Variants in ADAM32 observed in about 807,000 individuals in gnomAD.
ADAM32 encodes ADAM metallopeptidase domain 32, also known as disintegrin and metalloproteinase domain-containing protein 32.
ADAM32 carries 89 observed loss-of-function variants against 114.9 expected under a neutral mutation model. The observed-to-expected ratio is 0.77, with a 90% confidence interval of 0.65 to 0.92. ADAM32 has a LOEUF of 0.92. ADAM32 is among the 40% of genes least tolerant of loss of function. The pLI is 0.00. For synonymous variants in ADAM32, 285 were observed against 307.5 expected (o/e 0.93, Z 0.77); for missense variants, 870 against 932.8 (o/e 0.93, Z 0.88).
intron 17 of ADAM32, among the ~76,000 whole-genome samples, chr8:39,252,288 T>C (rs1811356506): frequency 6.6e-6 from 1 of 151,236 alleles, no homozygotes; most frequent in East Asian, 1.9e-4. Context: ...TAGAAGTTAA[T>C]ATTAAAAGAA....
intron 2 of ADAM32, among the ~76,000 whole-genome samples, chr8:39,124,511 G>A (rs781457230): frequency 1.0e-3 from 157 of 151,508 alleles, no homozygotes; most frequent in African/African-American, 3.6e-3. Flanking sequence ...TCCACCTCCC[G>A]GGTTCATGCC....
intron 17 of ADAM32, among the ~76,000 whole-genome samples, chr8:39,252,478 TA>T (rs1014937865): frequency 1.3e-5 from 2 of 150,974 alleles, no homozygotes; most frequent in African/African-American, 4.9e-5. Context: ...ATTCTTACAT[TA>T]AAAAGAATAA....
At chr8:39,159,614 T>G (rs150686903) in intron 6 of ADAM32, among the ~76,000 whole-genome samples, 1 of 152,352 alleles carries the variant, frequency 6.6e-6, no homozygotes, top group Non-Finnish European at 1.5e-5. Flanking sequence ...GCTTTTCTTG[T>G]CCGTTTTTCC....
chr8:39,124,574 T>C (rs1010579269), intron 2 of ADAM32, among the ~76,000 whole-genome samples: 2 of 151,986 alleles, frequency 1.3e-5, no homozygotes, highest in African/African-American at 2.4e-5. Context: ...CCTGCCATCA[T>C]GCCCAGCTAA....
chr8:39,146,660 C>T (rs1803524438), intron 3 of ADAM32, among the ~76,000 whole-genome samples: 1 of 152,210 alleles, frequency 6.6e-6, no homozygotes, highest in African/African-American at 2.4e-5. Flanking sequence ...ATCTGCCCAC[C>T]TTGGCCTCCC....
chr8:39,110,711 A>G (rs1036065093), intron 1 of ADAM32, among the ~76,000 whole-genome samples: 4 of 152,264 alleles, frequency 2.6e-5, no homozygotes, highest in Non-Finnish European at 4.4e-5. Flanking sequence ...AATTATATGC[A>G]TAACTACAAG....
intron 19 of ADAM32, among the ~76,000 whole-genome samples, chr8:39,258,041 C>T (rs1188276778): frequency 6.6e-6 from 1 of 152,018 alleles, no homozygotes; most frequent in Non-Finnish European, 1.5e-5. Flanking sequence ...TATCCCATAA[C>T]CTACCTAGTA....
At chr8:39,206,568 G>T (rs1161802692) in intron 11 of ADAM32, among the ~76,000 whole-genome samples, 1 of 152,210 alleles carries the variant, frequency 6.6e-6, no homozygotes, top group African/African-American at 2.4e-5. Context: ...GTTCTGGGTT[G>T]CTGTCAGTTG....
At chr8:39,263,325 A>AT (rs1383409280) in intron 19 of ADAM32, among the ~76,000 whole-genome samples, 2 of 152,082 alleles carry the variant, frequency 1.3e-5, no homozygotes, top group Non-Finnish European at 2.9e-5. Context: ...TAATCAATTC[A>AT]TTTTTTATCT....
At chr8:39,170,283 A>G (rs1205842545) in intron 10 of ADAM32, among the ~76,000 whole-genome samples, 9 of 152,134 alleles carry the variant, frequency 5.9e-5, no homozygotes, top group Admixed American at 5.9e-4. Flanking sequence ...TAAAATTTCT[A>G]TAACCCAAAA....
At chr8:39,147,093 G>GA (rs754020875) in intron 3 of ADAM32, 37 bp from the exon 4 acceptor site, 13 of 817,054 alleles carry the variant, frequency 1.6e-5, no homozygotes, top group Non-Finnish European at 2.1e-5. Flanking sequence ...GTTTCAAAAA[G>GA]AATAATTAAA....
intron 11 of ADAM32, among the ~76,000 whole-genome samples, chr8:39,201,442 A>G (rs192567753): frequency 0.24 from 35,074 of 147,880 alleles, 4,692 homozygotes; most frequent in Non-Finnish European, 0.28. Context: ...TATCATTGGT[A>G]TATAGGAATG....
In ADAM32 at chr8:39,275,901, A is replaced by G. The variant is rs960253122; in HGVS notation, c.2279+35A>G. On this transcript the variant is annotated intron_variant, in intron 22 of 24. Transcript: ENST00000379907. Reference sequence around the variant, plus strand: ...TTAGGGGGCATTTTTTTTATATAATAAGTATATGTTAAAAATTGAGATGAA... The same window carrying G: ...TTAGGGGGCATTTTTTTTATATAATGAGTATATGTTAAAAATTGAGATGAA... 13 of 1,508,036 alleles carry G rather than the reference A, an allele frequency of 8.6e-6. No individual in the cohort carries two copies. In the African/African-American group the frequency reaches 9.9e-5, roughly 11 times the overall value. The allele number at this position is 1,508,036 out of a possible 1,614,324, so 93.4% of individuals were successfully genotyped here. A position where few individuals can be genotyped will look rare whatever the true frequency, so the allele number is the denominator to read the frequency against.
At chr8:39,166,828 A>G (rs1165667302) in intron 9 of ADAM32, 1 of 151,976 alleles carries the variant, frequency 6.6e-6, no homozygotes, top group Admixed American at 6.6e-5. Context: ...GGCCATTTGT[A>G]TATCTTCTTT....
At chr8:39,274,785 A>G (rs748306812) in intron 21 of ADAM32, among the ~76,000 whole-genome samples, 2 of 152,226 alleles carry the variant, frequency 1.3e-5, no homozygotes, top group Non-Finnish European at 2.9e-5. Flanking sequence ...AGCCATCACA[A>G]CATCAGAGAG....
chr8:39,236,247 T>C (rs1296120090), intron 16 of ADAM32, among the ~76,000 whole-genome samples: 1 of 152,176 alleles, frequency 6.6e-6, no homozygotes, highest in African/African-American at 2.4e-5. Context: ...TGATAGTTCA[T>C]ATTTTATGAA....
chr8:39,121,832 C>T (rs1195024976), intron 2 of ADAM32, among the ~76,000 whole-genome samples: 1 of 152,162 alleles, frequency 6.6e-6, no homozygotes, highest in African/African-American at 2.4e-5. Flanking sequence ...TGGGGCCAGT[C>T]CCTAGGGCCA....
intron 8 of ADAM32, 46 bp from the exon 9 acceptor site, chr8:39,164,984 T>C: frequency 6.5e-7 from 1 of 1,535,366 alleles, no homozygotes; most frequent in Non-Finnish European, 8.8e-7. Context: ...TTTTATAAGA[T>C]AACATAAATA....
In ADAM32 at chr8:39,259,992, G is replaced by A. The variant is rs146010818; in HGVS notation, c.2162+2649G>A. ...ATTACCACATTTTATCATGTGATTC[G>A]TACCAACACCACAATCATAATTCCT... On this transcript the variant is annotated intron_variant, in intron 19 of 24. Coordinates refer to ENST00000379907, the MANE Select transcript of ADAM32 (RefSeq NM_145004.7). Among the ~76,000 whole-genome samples, 454 of 152,144 alleles carry A rather than the reference G, an allele frequency of 3.0e-3. 2 individuals are homozygous for A. Among genetic ancestry groups the A allele is most frequent in the African/African-American group, 9.8e-3 (408 of 41,504 alleles).
Sources: allele counts gnomAD v4.1 joint callset (sites outside exome capture counted in the v4.1 genomes callset), GRCh38; gene constraint gnomAD v4.1.1; transcripts MANE v1.5; gene names NCBI Gene and HGNC (gene_info 2026-07-23, HGNC 2026-07-21).